SUSD6: variants seen among roughly 807,000 people sequenced by gnomAD.
SUSD6 encodes the protein sushi domain containing 6, also known as sushi domain-containing protein 6.
In SUSD6, 16 loss-of-function variants were observed where a neutral mutation model predicts 28.4. The observed-to-expected ratio is 0.56, with a 90% CI of 0.38 to 0.86. The LOEUF (loss-of-function observed/expected upper bound fraction) is 0.86. Among genes scored for constraint, SUSD6 ranks in the 40% least tolerant of loss-of-function variants. SUSD6 has a pLI of 0.00. For synonymous variants in SUSD6, 147 were observed against 159.6 expected, an observed-to-expected ratio of 0.92 and a Z score of 0.59; for missense variants, 341 against 384.2, an observed-to-expected ratio of 0.89 and a Z score of 0.94.
intron 2 of SUSD6, among the ~76,000 whole-genome samples, chr14:69,685,077 T>C (rs1275325310): frequency 5.3e-5 from 8 of 152,220 alleles, no homozygotes; most frequent in Non-Finnish European, 1.2e-4. Flanking sequence ...TTCACATTTT[T>C]CTCTGTCCTT....
At chr14:69,687,331 G>A (rs550697036) in intron 2 of SUSD6, among the ~76,000 whole-genome samples, 3 of 152,206 alleles carry the variant, frequency 2.0e-5, no homozygotes, top group South Asian at 2.1e-4. Context: ...GGCTGTTCTC[G>A]AACTCCTGAC....
chr14:69,698,020 T>A (rs142119429), intron 2 of SUSD6, among the ~76,000 whole-genome samples: 429 of 152,308 alleles, frequency 2.8e-3, no homozygotes, highest in African/African-American at 0.01. Context: ...AGTAAAGTGA[T>A]AGCAAGTTGA....
intron 1 of SUSD6, among the ~76,000 whole-genome samples, chr14:69,632,445 C>T (rs746985942): frequency 6.6e-5 from 10 of 151,932 alleles, no homozygotes; most frequent in African/African-American, 2.2e-4. Flanking sequence ...ACACTTCCCT[C>T]GTGGCTTTTA....
chr14:69,651,156 C>T (rs955637820), intron 1 of SUSD6, among the ~76,000 whole-genome samples: 2 of 152,202 alleles, frequency 1.3e-5, no homozygotes, highest in African/African-American at 2.4e-5. Flanking sequence ...GGCCAAACCG[C>T]TTTTCAGTGG....
intron 2 of SUSD6, among the ~76,000 whole-genome samples, chr14:69,689,008 C>T (rs74351082): frequency 0.021 from 3,259 of 152,260 alleles, 62 homozygotes; most frequent in Non-Finnish European, 0.03. Flanking sequence ...CTAACTTCTC[C>T]GTACACATAC....
chr14:69,700,841 C>A (rs1424295220), intron 2 of SUSD6, among the ~76,000 whole-genome samples: 1 of 152,188 alleles, frequency 6.6e-6, no homozygotes, highest in African/African-American at 2.4e-5. Flanking sequence ...GGACACTGTG[C>A]ACCCTTTTTG....
Position 69,649,599 on chromosome 14 carries a change from GAGA to G in SUSD6, c.-80-8911_-80-8909del, listed in dbSNP as rs544641259. Among the ~76,000 whole-genome samples the G allele has an allele frequency of 1.8e-3, 277 of 152,046 alleles. 2 individuals carry two copies. Among genetic ancestry groups the G allele is most frequent in the African/African-American group, 6.4e-3 (267 of 41,408 alleles). ...GTTTATCTTTTTTTCTCATTCACTC[GAGA>G]AGTATTGTTGAGCACTTGGGGGCAG... On this transcript the variant is annotated intron_variant, in intron 1 of 5. Transcript: ENST00000342745.
chr14:69,660,650 G>T (rs986097982), intron 2 of SUSD6, among the ~76,000 whole-genome samples: 8 of 152,234 alleles, frequency 5.3e-5, no homozygotes, highest in African/African-American at 9.6e-5. Context: ...TGGCAAACTG[G>T]CCCACAGGCC....
At chr14:69,635,007 G>A (rs1168377165) in intron 1 of SUSD6, among the ~76,000 whole-genome samples, 1 of 152,196 alleles carries the variant, frequency 6.6e-6, no homozygotes, top group Non-Finnish European at 1.5e-5. Flanking sequence ...AATGGCTTAA[G>A]TTTATTTAAA....
chr14:69,626,145 T>C (rs1252262556), intron 1 of SUSD6, among the ~76,000 whole-genome samples: 2 of 152,188 alleles, frequency 1.3e-5, no homozygotes, highest in African/African-American at 4.8e-5. Context: ...GATTTCTGCC[T>C]AGTACGGTTT....
chr14:69,697,115 A>G (rs1309108446), intron 2 of SUSD6, among the ~76,000 whole-genome samples: 4 of 152,124 alleles, frequency 2.6e-5, no homozygotes, highest in Non-Finnish European at 5.9e-5. Flanking sequence ...GTGACTTCCT[A>G]TGTAGCCGTG....
chr14:69,623,900 A>G (rs1885077065), intron 1 of SUSD6, among the ~76,000 whole-genome samples: 1 of 152,254 alleles, frequency 6.6e-6, no homozygotes, highest in African/African-American at 2.4e-5. Flanking sequence ...AAAGTTTAAA[A>G]TAATTAAAAA....
chr14:69,670,204 G>A (rs745672027), intron 2 of SUSD6, among the ~76,000 whole-genome samples: 12 of 152,232 alleles, frequency 7.9e-5, no homozygotes, highest in Non-Finnish European at 1.3e-4. Context: ...GATCTTGACA[G>A]AAGTTAATCA....
At chr14:69,699,973 A>G (rs1398307134) in intron 2 of SUSD6, among the ~76,000 whole-genome samples, 2 of 152,140 alleles carry the variant, frequency 1.3e-5, no homozygotes, top group African/African-American at 4.8e-5. Flanking sequence ...TGGCCGTCCC[A>G]CCCTAATCTT....
chr14:69,643,253 C>T (rs1885380053), intron 1 of SUSD6, among the ~76,000 whole-genome samples: 1 of 152,116 alleles, frequency 6.6e-6, no homozygotes, highest in Non-Finnish European at 1.5e-5. Context: ...CTCAGCTGTC[C>T]CTCAAATCAG....
intron 1 of SUSD6, among the ~76,000 whole-genome samples, chr14:69,650,647 C>CTTTA (rs1566595194): frequency 6.6e-6 from 1 of 152,138 alleles, no homozygotes; most frequent in African/African-American, 2.4e-5. Context: ...CTCCTCCCCC[C>CTTTA]TCTTTTTCTG....
chr14:69,646,080 T>C (rs907747501), intron 1 of SUSD6, among the ~76,000 whole-genome samples: 2 of 152,160 alleles, frequency 1.3e-5, no homozygotes, highest in Non-Finnish European at 2.9e-5. Context: ...AAATTTGATA[T>C]AATCTGCCTT....
At chr14:69,656,218 G>A (rs1885580940) in intron 1 of SUSD6, among the ~76,000 whole-genome samples, 1 of 140,614 alleles carries the variant, frequency 7.1e-6, no homozygotes, top group Non-Finnish European at 1.5e-5. Flanking sequence ...CATCCTTTAG[G>A]ACTCAGCATC....
rs1886508577 is a variant in SUSD6, at chr14:69,713,942, GAAAATCACTT to G, written c.*2969_*2978del. On this transcript the variant is annotated 3_prime_UTR_variant, in exon 6 of 6. Transcript: ENST00000342745. Reference sequence around the variant, plus strand: ...TGACTTTCAAGGGCCAGAATATGGTGAAAATCACTTAAAATATCCGTCCCTTCCATGCCTT... The same window carrying G: ...TGACTTTCAAGGGCCAGAATATGGTGAAAATATCCGTCCCTTCCATGCCTT... 6.7e-6 allele frequency: 1 copy of G among 149,364 alleles called. No individual in the cohort carries two copies. The highest frequency in any genetic ancestry group is 6.7e-5 in the Admixed American group (1 of 14,980). The allele number at this position is 149,364 out of a possible 1,614,324, so 9.3% of individuals were successfully genotyped here. A position where few individuals can be genotyped will look rare whatever the true frequency, so the allele number is the denominator to read the frequency against.
Sources: allele counts gnomAD v4.1 joint callset (sites outside exome capture counted in the v4.1 genomes callset), GRCh38; gene constraint gnomAD v4.1.1; transcripts MANE v1.5; gene names NCBI Gene and HGNC (gene_info 2026-07-23, HGNC 2026-07-21).